Variants in USP32 observed in about 807,000 individuals in gnomAD.
USP32 encodes ubiquitin carboxyl-terminal hydrolase 32.
In USP32, 59 loss-of-function variants were observed where a neutral mutation model predicts 204.8. The ratio of observed to expected loss-of-function variants is 0.29; its 90% CI spans 0.23 to 0.36. The LOEUF (loss-of-function observed/expected upper bound fraction) is 0.36. Ranked by LOEUF, USP32 falls within the 10% of genes least tolerant of loss-of-function variation. USP32 has a pLI of 1.00. For missense variants in USP32, 1,160 were observed against 1,946.4 expected, an observed-to-expected ratio of 0.60 and a Z score of 7.60; for synonymous variants, 517 against 678.4, an observed-to-expected ratio of 0.76 and a Z score of 3.70.
At chr17:60,245,734 G>A (rs115933675) in intron 11 of USP32, 2,154 of 154,956 alleles carry the variant, frequency 0.014, 36 homozygotes, top group African/African-American at 0.048. Context: ...GTTAATAACC[G>A]TCTGGTGTCA....
chr17:60,293,696 A>G (rs1244183472), intron 4 of USP32, among the ~76,000 whole-genome samples: 2 of 152,260 alleles, frequency 1.3e-5, no homozygotes, highest in African/African-American at 4.8e-5. Context: ...GTCCAAAGAT[A>G]TATCAGAACC....
chr17:60,391,268 T>A (rs2089828971), intron 1 of USP32, among the ~76,000 whole-genome samples: 1 of 152,170 alleles, frequency 6.6e-6, no homozygotes, highest in Non-Finnish European at 1.5e-5. Context: ...CAGTCTCATC[T>A]CACCTCAAAC....
chr17:60,411,724 A>G (rs2090019904), intron 1 of USP32, among the ~76,000 whole-genome samples: 1 of 151,786 alleles, frequency 6.6e-6, no homozygotes, highest in African/African-American at 2.4e-5. Flanking sequence ...GATATTTCAT[A>G]TAAGTGGAAT....
intron 1 of USP32, among the ~76,000 whole-genome samples, chr17:60,348,577 C>G (rs1343058152): frequency 6.6e-6 from 1 of 151,998 alleles, no homozygotes; most frequent in Admixed American, 6.6e-5. Flanking sequence ...GAGTTAGAGA[C>G]CACCCTAGGC....
chr17:60,273,404 G>C (rs1191815176), intron 5 of USP32, among the ~76,000 whole-genome samples: 1 of 152,102 alleles, frequency 6.6e-6, no homozygotes, highest in Admixed American at 6.6e-5. Context: ...ACTCCAGAGG[G>C]TCTCTACTTA....
chr17:60,210,790 C>T (rs193073333), intron 21 of USP32, among the ~76,000 whole-genome samples: 78 of 152,230 alleles, frequency 5.1e-4, no homozygotes, highest in African/African-American at 1.8e-3. Flanking sequence ...AATGACATCC[C>T]GAATTTAGAG....
intron 11 of USP32, among the ~76,000 whole-genome samples, chr17:60,238,518 A>C (rs2085793408): frequency 6.6e-6 from 1 of 151,860 alleles, no homozygotes; most frequent in South Asian, 2.1e-4. Flanking sequence ...ATATACAAAA[A>C]TTAGCTGGGC....
chr17:60,201,201 C>T (rs951716364), intron 26 of USP32, among the ~76,000 whole-genome samples: 6 of 152,138 alleles, frequency 3.9e-5, no homozygotes, highest in Non-Finnish European at 5.9e-5. Context: ...ATTAGGTTTA[C>T]GAGATTCATT....
At chr17:60,242,062 G>A (rs943415289) in intron 11 of USP32, among the ~76,000 whole-genome samples, 1 of 152,192 alleles carries the variant, frequency 6.6e-6, no homozygotes, top group Non-Finnish European at 1.5e-5. Context: ...GAGGTAAGGG[G>A]TCTAAAATAA....
intron 1 of USP32, among the ~76,000 whole-genome samples, chr17:60,349,654 CAT>C (rs1232012996): frequency 3.2e-4 from 24 of 74,042 alleles, no homozygotes; most frequent in East Asian, 1.4e-3. Flanking sequence ...TATATATATA[CAT>C]ATATATACAC....
At chr17:60,308,788 C>T (rs1487206780) in intron 2 of USP32, among the ~76,000 whole-genome samples, 3 of 152,164 alleles carry the variant, frequency 2.0e-5, no homozygotes, top group Non-Finnish European at 2.9e-5. Context: ...ATTAGCTGAG[C>T]GTGGTGGCGC....
rs758528054 is a variant in USP32, at chr17:60,368,991, A to ATTTT, written c.58+22887_58+22890dup. Among the ~76,000 whole-genome samples the ATTTT allele has an allele frequency of 2.5e-4, 28 of 114,126 alleles. 2 individuals are homozygous for ATTTT. Among genetic ancestry groups the ATTTT allele is most frequent in the African/African-American group, 1.1e-3 (22 of 19,584 alleles). 74.9% of individuals were successfully genotyped at this position (114,126 alleles called of 152,430 possible). ...ACATACACGAATTATTTTTTAAAAG[A>ATTTT]TTTTTTTTTTTTTTTTTTTTTGAGA... On this transcript the variant is annotated intron_variant, in intron 1 of 33. Transcript: ENST00000300896.
At chr17:60,342,581 C>T (rs897799242) in intron 2 of USP32, among the ~76,000 whole-genome samples, 1 of 152,166 alleles carries the variant, frequency 6.6e-6, no homozygotes, top group African/African-American at 2.4e-5. Flanking sequence ...GTGGGCTCCT[C>T]CCAGTTCAAG....
At chr17:60,223,882 T>G (rs2085318549) in intron 13 of USP32, among the ~76,000 whole-genome samples, 1 of 152,238 alleles carries the variant, frequency 6.6e-6, no homozygotes, top group Non-Finnish European at 1.5e-5. Context: ...AGGGAAGAGC[T>G]GGGCTAAGTG....
At chr17:60,351,317 G>T in intron 1 of USP32, among the ~76,000 whole-genome samples, 1 of 152,042 alleles carries the variant, frequency 6.6e-6, no homozygotes, top group African/African-American at 2.4e-5. Flanking sequence ...CACCTCAGCT[G>T]CCCAAGTAGC....
intron 11 of USP32, among the ~76,000 whole-genome samples, chr17:60,242,131 A>G (rs1418138876): frequency 6.6e-6 from 1 of 152,210 alleles, no homozygotes; most frequent in Non-Finnish European, 1.5e-5. Context: ...TTAAAGAGAC[A>G]GAATCTTGCT....
At chr17:60,221,843 C>T (rs1567779062) in intron 15 of USP32, among the ~76,000 whole-genome samples, 1 of 152,146 alleles carries the variant, frequency 6.6e-6, no homozygotes, top group African/African-American at 2.4e-5. Context: ...TTATATTTTA[C>T]TTCATCAACA....
rs142766763 is a variant in USP32, at chr17:60,258,624, C to T, written c.991-3366G>A. Among the ~76,000 whole-genome samples, 109 of 152,294 alleles carry T rather than the reference C, an allele frequency of 7.2e-4. No homozygotes were observed. In the East Asian group the frequency reaches 0.02, roughly 27 times the overall value. On this transcript the variant is annotated intron_variant, in intron 9 of 33. Coordinates refer to ENST00000300896, the MANE Select transcript of USP32 (RefSeq NM_032582.4). ...AAAGTAACAGCTCTAAGTACCTTTC[C>T]TACATTTTCTTTTCCTTTTTAAAAA... is the stretch of plus-strand genomic sequence containing the variant.
chr17:60,181,574 T>C lies in USP32; in HGVS notation c.4298A>G (p.Asn1433Ser). 6 of 1,614,018 alleles carry C rather than the reference T, an allele frequency of 3.7e-6. No homozygotes were observed. The highest frequency in any genetic ancestry group is 5.1e-6 in the Non-Finnish European group (6 of 1,179,870). ...CAGCTCACATATCTGCCCAGCCCCA[T>C]TTTCTTTGCTGGCATCCAAGTTCTC... Reference protein sequence around the residue: ...SKENLDASKENGAGQICELAD... With the variant: ...SKENLDASKESGAGQICELAD... The change falls in exon 32 of 34, where the codon AAT (asparagine) becomes AGT (serine). Residue 1433 changes from asparagine (N) to serine (S), a missense_variant. Transcript: ENST00000300896.
Sources: allele counts gnomAD v4.1 joint callset (sites outside exome capture counted in the v4.1 genomes callset), GRCh38; gene constraint gnomAD v4.1.1; transcripts MANE v1.5; gene names NCBI Gene and HGNC (gene_info 2026-07-23, HGNC 2026-07-21).